Variants in DNER observed in about 807,000 individuals in gnomAD.
The protein encoded by DNER is delta/notch like EGF repeat containing, also known as delta and Notch-like epidermal growth factor-related receptor.
Under a neutral mutation model 78.2 loss-of-function variants are expected in DNER, and 33 were observed. The ratio of observed to expected loss-of-function variants is 0.42; its 90% confidence interval spans 0.32 to 0.56. DNER has a LOEUF of 0.56. Ranked by LOEUF, DNER falls within the 20% of genes least tolerant of loss-of-function variation. DNER has a pLI of 0.11. For synonymous variants in DNER, 417 were observed against 384.8 expected, an observed-to-expected ratio of 1.08 and a Z score of -0.98; for missense variants, 918 against 975.3, an observed-to-expected ratio of 0.94 and a Z score of 0.78.
At chr2:229,585,535 C>T (rs1168637041) in intron 4 of DNER, among the ~76,000 whole-genome samples, 1 of 151,994 alleles carries the variant, frequency 6.6e-6, no homozygotes, top group Non-Finnish European at 1.5e-5. Context: ...TGGTGGGTGC[C>T]TGTAGCCCCA....
intron 1 of DNER, among the ~76,000 whole-genome samples, chr2:229,595,431 G>T (rs577999897): frequency 6.6e-6 from 1 of 151,978 alleles, no homozygotes; most frequent in Admixed American, 6.5e-5. Context: ...ACAGGCACCT[G>T]CCACCACACC....
chr2:229,532,598 C>T (rs955123933), intron 5 of DNER, among the ~76,000 whole-genome samples: 2 of 152,220 alleles, frequency 1.3e-5, no homozygotes, highest in Non-Finnish European at 2.9e-5. Flanking sequence ...ATCAGGCCTT[C>T]CCACAAGGAG....
intron 2 of DNER, 115 bp from the exon 3 acceptor site, chr2:229,588,603 A>G: frequency 5.3e-6 from 4 of 756,642 alleles, no homozygotes; most frequent in Non-Finnish European, 8.7e-6. Flanking sequence ...ATGCGGGGGT[A>G]GGGCTAGAGA....
chr2:229,372,453 G>A (rs375310019), intron 11 of DNER, among the ~76,000 whole-genome samples: 1 of 152,220 alleles, frequency 6.6e-6, no homozygotes, highest in East Asian at 1.9e-4. Context: ...GTGAGCACAG[G>A]CCTGTGGGAG....
At chr2:229,687,871 A>T (rs1699512176) in intron 1 of DNER, among the ~76,000 whole-genome samples, 2 of 152,266 alleles carry the variant, frequency 1.3e-5, no homozygotes, top group South Asian at 4.2e-4. Context: ...GTCCAGATGG[A>T]TTCCCAGTCA....
intron 1 of DNER, among the ~76,000 whole-genome samples, chr2:229,685,696 A>G (rs1485479435): frequency 6.6e-6 from 1 of 152,114 alleles, no homozygotes; most frequent in Admixed American, 6.5e-5. Context: ...TCCTTCATTT[A>G]TTTTTTATTC....
At chr2:229,709,041 T>C (rs757319091) in intron 1 of DNER, among the ~76,000 whole-genome samples, 7 of 152,230 alleles carry the variant, frequency 4.6e-5, no homozygotes, top group South Asian at 2.1e-4. Flanking sequence ...TTTCAAAACA[T>C]GTCATAACAT....
intron 1 of DNER, among the ~76,000 whole-genome samples, chr2:229,671,339 C>T (rs1023417612): frequency 1.3e-5 from 2 of 152,188 alleles, no homozygotes; most frequent in African/African-American, 4.8e-5. Context: ...TCAGGGCTAC[C>T]TAAGCTGTTC....
intron 7 of DNER, among the ~76,000 whole-genome samples, chr2:229,473,307 T>A (rs1214186477): frequency 1.3e-5 from 2 of 152,240 alleles, no homozygotes; most frequent in African/African-American, 2.4e-5. Flanking sequence ...CTTATGATTA[T>A]GGTTACAAAG....
intron 11 of DNER, among the ~76,000 whole-genome samples, chr2:229,374,240 G>A (rs1692551126): frequency 6.8e-6 from 1 of 146,332 alleles, no homozygotes; most frequent in Non-Finnish European, 1.5e-5. Context: ...GGGACTACTA[G>A]GGAGTAAGGA....
intron 8 of DNER, among the ~76,000 whole-genome samples, chr2:229,427,137 T>C (rs1230733939): frequency 2.0e-5 from 3 of 152,240 alleles, no homozygotes; most frequent in Non-Finnish European, 4.4e-5. Context: ...TTTTTGACTG[T>C]AAAACCTCCC....
At chr2:229,402,654 G>C (rs968546859) in intron 10 of DNER, among the ~76,000 whole-genome samples, 4 of 152,226 alleles carry the variant, frequency 2.6e-5, no homozygotes, top group African/African-American at 9.6e-5. Context: ...GGGCTTGGAA[G>C]AATCTTTGGC....
chr2:229,614,394 A>G (rs1290744764), intron 1 of DNER, among the ~76,000 whole-genome samples: 1 of 152,122 alleles, frequency 6.6e-6, no homozygotes, highest in Non-Finnish European at 1.5e-5. Flanking sequence ...AACATGAAAC[A>G]CAAAAAGATG....
At chr2:229,418,482 C>T (rs1216180959) in intron 8 of DNER, among the ~76,000 whole-genome samples, 2 of 152,176 alleles carry the variant, frequency 1.3e-5, no homozygotes, top group Admixed American at 1.3e-4. Context: ...TATCCACTGA[C>T]ATTTTCATCA....
At chr2:229,418,784 G>C (rs1286939793) in intron 8 of DNER, among the ~76,000 whole-genome samples, 1 of 152,086 alleles carries the variant, frequency 6.6e-6, no homozygotes, top group Non-Finnish European at 1.5e-5. Flanking sequence ...AGCCAGGCGT[G>C]GTGGCGGGCG....
intron 7 of DNER, among the ~76,000 whole-genome samples, chr2:229,454,647 A>C (rs1004679301): frequency 1.3e-5 from 2 of 152,036 alleles, no homozygotes; most frequent in African/African-American, 4.8e-5. Context: ...GGAAAATTTC[A>C]CTAAAGAGAT....
Position 229,413,971 on chromosome 2 carries a change from C to T in DNER, c.1609+4137G>A, listed in dbSNP as rs141811842. 8.8e-4 allele frequency among the ~76,000 whole-genome samples: 134 copies of T among 151,916 alleles called. 2 individuals are homozygous for T. Among genetic ancestry groups the T allele is most frequent in the African/African-American group, 2.2e-3 (92 of 41,474 alleles). Reference sequence around the variant, plus strand: ...AGTTTCCTGAATGTATACAGACATACGATATGTAAATATATATTGGCAAAA... The same window carrying T: ...AGTTTCCTGAATGTATACAGACATATGATATGTAAATATATATTGGCAAAA... On this transcript the variant is annotated intron_variant, in intron 9 of 12. Transcript: ENST00000341772.
intron 1 of DNER, among the ~76,000 whole-genome samples, chr2:229,635,556 G>A (rs1192051286): frequency 6.6e-6 from 1 of 152,102 alleles, no homozygotes; most frequent in Non-Finnish European, 1.5e-5. Flanking sequence ...CTGAAGGAGG[G>A]AAGAGGAGCA....
intron 7 of DNER, among the ~76,000 whole-genome samples, chr2:229,455,402 T>C (rs988523453): frequency 5.3e-5 from 8 of 152,116 alleles, no homozygotes; most frequent in Non-Finnish European, 1.0e-4. Context: ...CTTTTCCCTT[T>C]AAACGGTGGT....
Sources: allele counts gnomAD v4.1 joint callset (sites outside exome capture counted in the v4.1 genomes callset), GRCh38; gene constraint gnomAD v4.1.1; transcripts MANE v1.5; gene names NCBI Gene and HGNC (gene_info 2026-07-23, HGNC 2026-07-21).